The following MTUS2 variants were observed in gnomAD, a reference collection of about 807,000 sequenced individuals.
MTUS2 encodes the protein microtubule-associated tumor suppressor candidate 2.
In MTUS2, 40 loss-of-function variants were observed where a neutral mutation model predicts 114.1. The ratio of observed to expected loss-of-function variants is 0.35; its 90% CI spans 0.27 to 0.46. The LOEUF is 0.46. MTUS2 is among the 20% of genes least tolerant of loss of function. The probability of loss-of-function intolerance (pLI) is 1.00; values close to 1 mark genes in which losing one functional copy is unlikely to be tolerated. For synonymous variants in MTUS2, 688 were observed against 672.0 expected, an observed-to-expected ratio of 1.02 and a Z score of -0.37; for missense variants, 1,679 against 1,705.4, an observed-to-expected ratio of 0.98 and a Z score of 0.27.
intron 4 of MTUS2, among the ~76,000 whole-genome samples, chr13:29,093,304 G>C (rs369990833): frequency 7.2e-5 from 11 of 152,056 alleles, no homozygotes; most frequent in East Asian, 3.9e-4. Context: ...TTAGCTGGGC[G>C]TGGTGGTGCA....
At chr13:29,208,319 CTTCTT>C (rs1173243008) in intron 5 of MTUS2, among the ~76,000 whole-genome samples, 2 of 151,946 alleles carry the variant, frequency 1.3e-5, no homozygotes, top group African/African-American at 4.8e-5. Flanking sequence ...GATCTTTTCT[CTTCTT>C]TTCTTGGTTC....
At chr13:29,254,583 C>A (rs1318907056) in intron 5 of MTUS2, among the ~76,000 whole-genome samples, 1 of 152,206 alleles carries the variant, frequency 6.6e-6, no homozygotes, top group African/African-American at 2.4e-5. Context: ...CTCTGTGTTT[C>A]ATTTGCATAG....
At chr13:29,043,748 A>G (rs1343894788) in intron 4 of MTUS2, among the ~76,000 whole-genome samples, 1 of 146,424 alleles carries the variant, frequency 6.8e-6, no homozygotes. Flanking sequence ...CTGTTTCTCT[A>G]GACTTTAAAC....
chr13:29,272,085 A>C (rs999169398), intron 5 of MTUS2, among the ~76,000 whole-genome samples: 4 of 152,224 alleles, frequency 2.6e-5, no homozygotes, highest in African/African-American at 4.8e-5. Context: ...CTTTGTGGCA[A>C]TGGCAAGATC....
At chr13:28,868,908 T>C (rs1409287718) in intron 2 of MTUS2, among the ~76,000 whole-genome samples, 2 of 152,326 alleles carry the variant, frequency 1.3e-5, no homozygotes, top group African/African-American at 4.8e-5. Flanking sequence ...GTCAGATCCC[T>C]TGTGCTCCTC....
chr13:28,937,896 G>C (rs1346331243), intron 2 of MTUS2, among the ~76,000 whole-genome samples: 1 of 152,134 alleles, frequency 6.6e-6, no homozygotes, highest in Non-Finnish European at 1.5e-5. Context: ...TAATAGGCCG[G>C]AGCTTTGGTA....
At chr13:28,824,450 G>C (rs1874125911) in intron 1 of MTUS2, among the ~76,000 whole-genome samples, 1 of 152,110 alleles carries the variant, frequency 6.6e-6, no homozygotes, top group African/African-American at 2.4e-5. Flanking sequence ...TCATTGGCAA[G>C]CCCCCTTGCC....
At chr13:29,329,510 G>A (rs997886623) in intron 7 of MTUS2, among the ~76,000 whole-genome samples, 2 of 151,844 alleles carry the variant, frequency 1.3e-5, no homozygotes, top group Non-Finnish European at 2.9e-5. Flanking sequence ...TGGTGTATAT[G>A]TCTCACATTT....
chr13:29,025,557 A>G lies in MTUS2; in HGVS notation c.859A>G (p.Thr287Ala). Residue 287 changes from threonine (T) to alanine (A), a missense_variant, in exon 3 of 16, where the codon ACT becomes GCT. Physicochemically the swap from Thr to Ala is moderately conservative, Grantham distance 58. Around this residue, in one of 3 missense-constraint regions of MTUS2, gnomAD observed 843 missense variants for 770.8 expected, o/e 1.09. Coordinates refer to ENST00000612955, the MANE Select transcript of MTUS2 (RefSeq NM_001033602.4). ...SAHPEPALNL[T>A]LASKEIPSKL... Reference sequence around the variant, plus strand: ...CCATCCAGAGCCTGCTCTGAATTTGACTTTGGCATCGAAGGAAATCCCAAG... The same window carrying G: ...CCATCCAGAGCCTGCTCTGAATTTGGCTTTGGCATCGAAGGAAATCCCAAG... 1 of 1,613,922 alleles carries G rather than the reference A, an allele frequency of 6.2e-7. No individual in the cohort carries two copies. The highest frequency in any genetic ancestry group is 8.5e-7 in the Non-Finnish European group (1 of 1,179,838).
At chr13:29,089,266 T>A (rs981960824) in intron 4 of MTUS2, among the ~76,000 whole-genome samples, 2 of 152,226 alleles carry the variant, frequency 1.3e-5, no homozygotes, top group Non-Finnish European at 2.9e-5. Flanking sequence ...TCTTTAAGGA[T>A]GCTAAATATA....
At chr13:29,192,702 T>G (rs531128937) in intron 5 of MTUS2, among the ~76,000 whole-genome samples, 6 of 152,336 alleles carry the variant, frequency 3.9e-5, no homozygotes, top group South Asian at 2.1e-4. Context: ...TTAAAAAAAC[T>G]TATGATTCGC....
intron 4 of MTUS2, among the ~76,000 whole-genome samples, chr13:29,065,532 C>A (rs1320991231): frequency 1.3e-5 from 2 of 152,024 alleles, no homozygotes; most frequent in African/African-American, 2.4e-5. Context: ...AGATATTAGA[C>A]CTTTGTCAGA....
chr13:28,953,131 C>A (rs746526987), intron 2 of MTUS2, among the ~76,000 whole-genome samples: 5 of 149,636 alleles, frequency 3.3e-5, no homozygotes, highest in Admixed American at 1.3e-4. Context: ...TACACTTGGT[C>A]TTTTTGTTCT....
At chr13:29,040,894 C>T (rs1887321872) in intron 4 of MTUS2, among the ~76,000 whole-genome samples, 1 of 152,152 alleles carries the variant, frequency 6.6e-6, no homozygotes, top group African/African-American at 2.4e-5. Context: ...GATTTTCTCC[C>T]ACTCTGTGGG....
chr13:29,026,531 G>T lies in MTUS2; in HGVS notation c.1833G>T (p.Ser611=). Residue 611 remains serine, a synonymous_variant, in exon 3 of 16, where the codon TCG becomes TCT. Coordinates refer to ENST00000612955, the MANE Select transcript of MTUS2 (RefSeq NM_001033602.4). Reference sequence around the variant, plus strand: ...CACATTCCAAGGACACACCTTCCTCGCAGGAGGGAATGGAGAACTATCAGG... The same window carrying T: ...CACATTCCAAGGACACACCTTCCTCTCAGGAGGGAATGGAGAACTATCAGG... ...VFTHSKDTPS[S]QEGMENYQVE... 1 of 1,613,906 alleles carries T rather than the reference G, an allele frequency of 6.2e-7. No individual in the cohort carries two copies.
At chr13:29,443,961 A>G (rs74042075) in intron 9 of MTUS2, among the ~76,000 whole-genome samples, 22,342 of 152,130 alleles carry the variant, frequency 0.15, 3,135 homozygotes, top group African/African-American at 0.37. Flanking sequence ...GAATAGTTAG[A>G]TGTATTTATT....
At chr13:29,086,384 TTTC>T (rs1889693403) in intron 4 of MTUS2, among the ~76,000 whole-genome samples, 1 of 152,188 alleles carries the variant, frequency 6.6e-6, no homozygotes, top group Admixed American at 6.5e-5. Flanking sequence ...TTTCCTAGGA[TTTC>T]TTCTAGGGTT....
At chr13:29,421,534 C>T (rs1008448614) in intron 8 of MTUS2, among the ~76,000 whole-genome samples, 1 of 152,202 alleles carries the variant, frequency 6.6e-6, no homozygotes, top group Non-Finnish European at 1.5e-5. Flanking sequence ...GAGCCACCTT[C>T]GGCTTTGACT....
chr13:29,318,799 T>C (rs550837057), intron 6 of MTUS2, among the ~76,000 whole-genome samples: 1 of 152,314 alleles, frequency 6.6e-6, no homozygotes, highest in Non-Finnish European at 1.5e-5. Context: ...TGAGACACTC[T>C]CTATGGATTG....
Sources: gnomAD v4.1 joint callset for allele counts (sites outside exome capture counted in the v4.1 genomes callset) on GRCh38, gnomAD v4.1.1 for gene constraint, gnomAD v4.1.1 regional missense constraint, MANE v1.5 for transcripts, NCBI Gene and HGNC (gene_info 2026-07-23, HGNC 2026-07-21) for gene names.